STX4: variants seen among roughly 807,000 people sequenced by gnomAD.
STX4 encodes syntaxin-4.
STX4 carries 24 observed loss-of-function variants against 41.8 expected under a neutral mutation model. That is an observed-to-expected ratio of 0.57 (90% CI 0.42 to 0.81). The LOEUF is 0.81. Ranked by LOEUF, STX4 falls within the 30% of genes least tolerant of loss-of-function variation. The pLI is 0.00. For missense variants in STX4, 316 were observed against 389.9 expected, an observed-to-expected ratio of 0.81 and a Z score of 1.60; for synonymous variants, 158 against 156.4, an observed-to-expected ratio of 1.01 and a Z score of -0.08.
chr16:31,037,781 C>G (rs879693956), intron 5 of STX4, 145 bp from the exon 6 acceptor site: 4 of 693,172 alleles, frequency 5.8e-6, no homozygotes, highest in East Asian at 2.8e-5. Flanking sequence ...AATGGGGGAG[C>G]CTGTCAAGGT....
chr16:31,035,371 C>T (rs1437896324), intron 5 of STX4, among the ~76,000 whole-genome samples: 6 of 152,032 alleles, frequency 3.9e-5, no homozygotes, highest in African/African-American at 9.7e-5. Context: ...GGATTACAGG[C>T]GGACACCCCC....
chr16:31,039,456 TCCTGCCA>T lies in STX4; in HGVS notation c.703-84_703-78del. Reference sequence around the variant, plus strand: ...TGTCTTTGTTAGTGCAATTTTTTTTTCCTGCCAGGAATGTTCTTCAGTCATCTGGGGT... The same window carrying T: ...TGTCTTTGTTAGTGCAATTTTTTTTTGGAATGTTCTTCAGTCATCTGGGGT... On this transcript the variant is annotated intron_variant, in intron 8 of 10. Coordinates refer to ENST00000313843, the MANE Select transcript of STX4 (RefSeq NM_004604.5). This position sits in a 1 kb window ranked among gnomAD's most constrained non-coding sequence, Gnocchi z 4.1. The T allele has an allele frequency of 1.4e-6, 2 of 1,425,068 alleles. No individual in the cohort carries two copies. The highest frequency in any genetic ancestry group is 1.9e-5 in the Admixed American group (1 of 52,884). 88.3% of individuals were successfully genotyped at this position (1,425,068 alleles called of 1,614,324 possible).
chr16:31,039,436 T>G lies in STX4; in HGVS notation c.703-105T>G. On this transcript the variant is annotated intron_variant, in intron 8 of 10. Coordinates refer to ENST00000313843, the MANE Select transcript of STX4 (RefSeq NM_004604.5). This position sits in a 1 kb window ranked among gnomAD's most constrained non-coding sequence, Gnocchi z 4.1. ...GTCAGATCAAGTCTTGCCCTTGTCT[T>G]TGTTAGTGCAATTTTTTTTTCCTGC... 1 of 1,178,780 alleles carries G rather than the reference T, an allele frequency of 8.5e-7. No homozygotes were observed. Among genetic ancestry groups the G allele is most frequent in the Non-Finnish European group, 1.2e-6 (1 of 822,318 alleles). 73.0% of individuals were successfully genotyped at this position (1,178,780 alleles called of 1,614,324 possible).
chr16:31,035,150 G>C, intron 5 of STX4, 110 bp downstream of exon 5: 3 of 819,496 alleles, frequency 3.7e-6, no homozygotes, highest in South Asian at 2.5e-5. Flanking sequence ...CCAATTGGAT[G>C]ACTTTTCCAA....
In STX4 at chr16:31,033,997, A is replaced by C; in HGVS notation, c.31-16A>C. The C allele has an allele frequency of 6.4e-7, 1 of 1,564,014 alleles. No individual in the cohort carries two copies. Among genetic ancestry groups the C allele is most frequent in the Non-Finnish European group, 8.7e-7 (1 of 1,152,428 alleles). On this transcript the variant is annotated splice_polypyrimidine_tract_variant and intron_variant, in intron 1 of 10. Coordinates refer to ENST00000313843, the MANE Select transcript of STX4 (RefSeq NM_004604.5). This position sits in a 1 kb window ranked among gnomAD's most constrained non-coding sequence, Gnocchi z 5.5. ...CCGCAGCGAAACGGTGGTGCCAATG[A>C]CTCCGGGCCTGGCAGGGGGATGACA...
At position 31,033,580 on chromosome 16, in the gene STX4, C is replaced by A. The variant is rs963649633; in HGVS notation, c.-226C>A. 3.3e-6 allele frequency: 5 copies of A among 1,533,268 alleles called. No homozygotes were observed. In the African/African-American group the frequency reaches 5.5e-5, roughly 17 times the overall value. The allele number at this position is 1,533,268 out of a possible 1,614,324, so 95.0% of individuals were successfully genotyped here. The stretch of plus-strand genomic sequence containing the variant: ...GGGGCTGAGGCTGCGGGAGCTGGAG[C>A]GGGGAAGAAAAGGGAATTCCAACCT... On this transcript the variant is annotated 5_prime_UTR_variant, in exon 1 of 11. Coordinates refer to ENST00000313843, the MANE Select transcript of STX4 (RefSeq NM_004604.5). The surrounding 1 kb of genome is among the most constrained non-coding windows in gnomAD (Gnocchi z 5.5).
In STX4 at chr16:31,034,247, A is replaced by G. The variant is rs777119919; in HGVS notation, c.154A>G (p.Ile52Val). ...FHKVRTIRQT[I>V]VKLGNKVQEL... ...CCAGGTCCGGACAATTCGGCAGACT[A>G]TTGTCAAACTGGGGAATAAAGTCCA... The change falls in exon 3 of 11, where the codon ATT (isoleucine) becomes GTT (valine). Residue 52 changes from isoleucine (I) to valine (V), a missense_variant. By Grantham distance (29) the Ile-to-Val change is conservative (BLOSUM62 3). Coordinates refer to ENST00000313843, the MANE Select transcript of STX4 (RefSeq NM_004604.5). The G allele has an allele frequency of 5.0e-6, 8 of 1,613,970 alleles. No homozygotes were observed. In the African/African-American group the frequency reaches 6.7e-5, roughly 13 times the overall value.
At position 31,033,826 on chromosome 16, in the gene STX4, G is replaced by A. The variant is rs1434467750; in HGVS notation, c.21G>A (p.Glu7=). 2.8e-6 allele frequency: 4 copies of A among 1,454,104 alleles called. No homozygotes were observed. The highest frequency in any genetic ancestry group is 5.0e-5 in the East Asian group (2 of 40,150). 90.1% of individuals were successfully genotyped at this position (1,454,104 alleles called of 1,614,324 possible). A position where few individuals can be genotyped will look rare whatever the true frequency, so the allele number is the denominator to read the frequency against. Residue 7 remains glutamate, a synonymous_variant, in exon 1 of 11, where the codon GAG becomes GAA. Coordinates refer to ENST00000313843, the MANE Select transcript of STX4 (RefSeq NM_004604.5). This position sits in a 1 kb window ranked among gnomAD's most constrained non-coding sequence, Gnocchi z 5.5. The part of the protein sequence containing the change: MRDRTH[E]LRQGDDSSDE... ...CCGCCATGCGGGACAGGACCCACGA[G>A]CTGAGACAGGTGAGACGCCAGGGCA...
rs74015063 is a variant in STX4, at chr16:31,037,878, G to A, written c.379-48G>A. On this transcript the variant is annotated intron_variant, in intron 5 of 10. Transcript: ENST00000313843. ...CTATGGGGTTGCCGAGGCACCGACC[G>A]GGCAGGGATCCTCCCAGGGGCACTC... 17,008 of 1,605,506 alleles carry A rather than the reference G, an allele frequency of 0.011. 1,566 individuals carry two copies. In the African/African-American group the frequency reaches 0.2, roughly 19 times the overall value.
At chr16:31,033,278 G>A, upstream of STX4, 2 of 707,132 alleles carry the variant, frequency 2.8e-6, no homozygotes, top group Non-Finnish European at 5.3e-6. This position sits in a 1 kb window ranked among gnomAD's most constrained non-coding sequence, Gnocchi z 5.5. Flanking sequence ...CGGTCCACGA[G>A]TTTGGGACCG....
chr16:31,034,150 G>A, intron 2 of STX4, 36 bp downstream of exon 2: 1 of 1,611,540 alleles, frequency 6.2e-7, no homozygotes. Context: ...ATTCGCGAGG[G>A]TGTAGGAGGA....
In STX4 at chr16:31,033,836, G is replaced by GT; in HGVS notation, c.30+2dup. 6.9e-7 allele frequency: 1 copy of GT among 1,453,760 alleles called. No individual in the cohort carries two copies. The highest frequency in any genetic ancestry group is 9.1e-7 in the Non-Finnish European group (1 of 1,099,962). 90.1% of individuals were successfully genotyped at this position (1,453,760 alleles called of 1,614,324 possible). On this transcript the variant is annotated splice_donor_variant, in intron 1 of 10. Coordinates refer to ENST00000313843, the MANE Select transcript of STX4 (RefSeq NM_004604.5). LOFTEE classifies it high-confidence loss of function. The surrounding 1 kb of genome is among the most constrained non-coding windows in gnomAD (Gnocchi z 5.5). ...GGACAGGACCCACGAGCTGAGACAGGTGAGACGCCAGGGCAGCGGGGATGG... is the reference window on the plus strand; with the variant it reads ...GGACAGGACCCACGAGCTGAGACAGGTTGAGACGCCAGGGCAGCGGGGATGG...
chr16:31,034,667 G>C (rs2143716312), intron 4 of STX4, 131 bp downstream of exon 4: 1 of 1,074,556 alleles, frequency 9.3e-7, no homozygotes, highest in South Asian at 1.8e-5. Context: ...TCTAGCATCT[G>C]TCTCCTGGCC....
Position 31,037,914 on chromosome 16 carries a change from C to G in STX4, c.379-12C>G, listed in dbSNP as rs548760343. On this transcript the variant is annotated splice_polypyrimidine_tract_variant and intron_variant, in intron 5 of 10. Coordinates refer to ENST00000313843, the MANE Select transcript of STX4 (RefSeq NM_004604.5). The stretch of plus-strand genomic sequence containing the variant: ...CTCCCAGGGGCACTCAGCCTATATT[C>G]TTCATCTTTAGCATGGGGTCCTGTC... 5.0e-6 allele frequency: 8 copies of G among 1,613,882 alleles called. No homozygotes were observed. In the South Asian group the frequency reaches 8.8e-5, roughly 18 times the overall value.
chr16:31,033,795 C>T lies in STX4; in HGVS notation c.-11C>T. ...CGGCTCTGGCGCCGGGGAGGGAGAG[C>T]TCAGGCCGCCATGCGGGACAGGACC... On this transcript the variant is annotated 5_prime_UTR_variant, in exon 1 of 11. Transcript: ENST00000313843. The surrounding 1 kb of genome is among the most constrained non-coding windows in gnomAD (Gnocchi z 5.5). 1 of 1,452,534 alleles carries T rather than the reference C, an allele frequency of 6.9e-7. No individual in the cohort carries two copies. Among genetic ancestry groups the T allele is most frequent in the Non-Finnish European group, 9.1e-7 (1 of 1,100,372 alleles). The allele number at this position is 1,452,534 out of a possible 1,614,324, so 90.0% of individuals were successfully genotyped here. A position where few individuals can be genotyped will look rare whatever the true frequency, so the allele number is the denominator to read the frequency against.
chr16:31,034,238 C>T lies in STX4; in HGVS notation c.145C>T (p.Arg49Trp), dbSNP rs747451911. The T allele has an allele frequency of 6.2e-7, 1 of 1,614,030 alleles. No individual in the cohort carries two copies. The highest frequency in any genetic ancestry group is 8.5e-7 in the Non-Finnish European group (1 of 1,180,024). ...EEFFHKVRTI[R>W]QTIVKLGNKV... is the part of the protein sequence containing the mutation. ...TCACCCTCCCCAGGTCCGGACAATTCGGCAGACTATTGTCAAACTGGGGAA... is the reference window on the plus strand; with the variant it reads ...TCACCCTCCCCAGGTCCGGACAATTTGGCAGACTATTGTCAAACTGGGGAA... Residue 49 changes from arginine (R) to tryptophan (W), a missense_variant, in exon 3 of 11, where the codon CGG becomes TGG. By Grantham distance (101) the Arg-to-Trp change is moderately radical. Transcript: ENST00000313843.
chr16:31,037,060 C>CCA (rs1420307816), intron 5 of STX4, among the ~76,000 whole-genome samples: 18 of 145,106 alleles, frequency 1.2e-4, no homozygotes, highest in Non-Finnish European at 2.2e-4. Context: ...TGAGACCCCC[C>CCA]CCCCTTTTTT....
At chr16:31,033,154 G>A, upstream of STX4, 1 of 561,316 alleles carries the variant, frequency 1.8e-6, no homozygotes, top group Non-Finnish European at 3.5e-6. The surrounding 1 kb of genome is among the most constrained non-coding windows in gnomAD (Gnocchi z 5.5). Flanking sequence ...CCTCGCGGGG[G>A]CCGTGTGGGC....
Position 31,039,664 on chromosome 16 carries a change from G to A in STX4, c.813+13G>A, listed in dbSNP as rs745985110. The A allele has an allele frequency of 1.2e-5, 19 of 1,614,052 alleles. No homozygotes were observed. In the South Asian group the frequency reaches 1.6e-4, roughly 14 times the overall value. ...GAAGGCGAGGAAGGTGAGCCTCCCA[G>A]GCCCGGCCACTGCCCCAGGCACCCT... On this transcript the variant is annotated intron_variant, in intron 9 of 10. Coordinates refer to ENST00000313843, the MANE Select transcript of STX4 (RefSeq NM_004604.5). The surrounding 1 kb of genome is among the most constrained non-coding windows in gnomAD (Gnocchi z 4.1).
Sources: gnomAD v4.1 joint callset for allele counts (sites outside exome capture counted in the v4.1 genomes callset) on GRCh38, gnomAD v4.1.1 for gene constraint, Gnocchi (gnomAD v3.1) non-coding constraint, MANE v1.5 for transcripts, NCBI Gene and HGNC (gene_info 2026-07-23, HGNC 2026-07-21) for gene names.